PRKCE: variants seen among roughly 807,000 people sequenced by gnomAD.
PRKCE encodes protein kinase C epsilon.
Under a neutral mutation model 85.4 loss-of-function variants are expected in PRKCE, and 16 were observed. That is an observed-to-expected ratio of 0.19 (90% CI 0.13 to 0.28). PRKCE has a LOEUF of 0.28. Ranked by LOEUF, PRKCE falls within the 10% of genes least tolerant of loss-of-function variation. The probability of loss-of-function intolerance (pLI) is 1.00; values close to 1 mark genes in which losing one functional copy is unlikely to be tolerated. For synonymous variants in PRKCE, 388 were observed against 371.5 expected (o/e 1.04, Z -0.51); for missense variants, 573 against 975.2 (o/e 0.59, Z 5.49).
intron 10 of PRKCE, among the ~76,000 whole-genome samples, chr2:46,061,557 A>G (rs1009321747): frequency 2.0e-5 from 3 of 152,166 alleles, no homozygotes; most frequent in African/African-American, 7.2e-5. Flanking sequence ...TATTTTAGTA[A>G]TAGAATCCTT....
rs188039382 is a variant in PRKCE, at chr2:46,083,083, C to T, written c.1438-3125C>T. Among the ~76,000 whole-genome samples, 21 of 152,268 alleles carry T rather than the reference C, an allele frequency of 1.4e-4. No homozygotes were observed. The East Asian group carries it at 4.1e-3, about 29-fold the overall frequency. On this transcript the variant is annotated intron_variant, in intron 10 of 14. Transcript: ENST00000306156. ...TTTCATGCCTCAGCCTCCTGAGTAGCTGGGATTACAGGCATGCGCCACCAT... is the reference window on the plus strand; with the variant it reads ...TTTCATGCCTCAGCCTCCTGAGTAGTTGGGATTACAGGCATGCGCCACCAT...
At chr2:45,952,353 C>A (rs183883912) in intron 2 of PRKCE, among the ~76,000 whole-genome samples, 364 of 152,364 alleles carry the variant, frequency 2.4e-3, no homozygotes, top group Non-Finnish European at 3.5e-3. Context: ...TAAGTCATCA[C>A]TATGCTGGGC....
chr2:46,112,463 C>T (rs946026792), intron 11 of PRKCE, among the ~76,000 whole-genome samples: 1 of 150,816 alleles, frequency 6.6e-6, no homozygotes, highest in African/African-American at 2.4e-5. Context: ...TTAATATCTA[C>T]TCTCTTTATC....
chr2:45,806,822 G>T (rs966266824), intron 1 of PRKCE, among the ~76,000 whole-genome samples: 2 of 152,180 alleles, frequency 1.3e-5, no homozygotes, highest in Non-Finnish European at 2.9e-5. Context: ...GTACGTCAGG[G>T]ACTAAGGAGG....
intron 1 of PRKCE, among the ~76,000 whole-genome samples, chr2:45,787,499 A>G (rs1686701532): frequency 6.6e-6 from 1 of 152,138 alleles, no homozygotes; most frequent in South Asian, 2.1e-4. Flanking sequence ...GTTCAGTTGT[A>G]GGCAATGGAG....
At chr2:45,659,833 C>T (rs1292570200) in intron 1 of PRKCE, among the ~76,000 whole-genome samples, 1 of 147,470 alleles carries the variant, frequency 6.8e-6, no homozygotes, top group Non-Finnish European at 1.5e-5. Context: ...TGCGCCTTTC[C>T]TGCCTTTTTT....
intron 10 of PRKCE, among the ~76,000 whole-genome samples, chr2:46,023,144 G>A (rs935671098): frequency 6.8e-6 from 1 of 147,940 alleles, no homozygotes; most frequent in Non-Finnish European, 1.5e-5. Flanking sequence ...GCTGACTTGA[G>A]AGCTTTGTCA....
intron 1 of PRKCE, among the ~76,000 whole-genome samples, chr2:45,711,722 G>GA (rs1679654620): frequency 6.6e-6 from 1 of 152,114 alleles, no homozygotes; most frequent in Non-Finnish European, 1.5e-5. Context: ...CTGCCTCTCT[G>GA]GTTCAAGCAA....
chr2:45,724,278 T>G (rs1182454595), intron 1 of PRKCE, among the ~76,000 whole-genome samples: 1 of 152,226 alleles, frequency 6.6e-6, no homozygotes, highest in Admixed American at 6.5e-5. Context: ...CTATTATAAC[T>G]GTTTTGGAGT....
chr2:46,098,909 G>C (rs888462385), intron 11 of PRKCE, among the ~76,000 whole-genome samples: 3 of 152,258 alleles, frequency 2.0e-5, no homozygotes, highest in Admixed American at 6.5e-5. Context: ...TTTGTTTCAA[G>C]ATGACTCAGG....
At chr2:46,092,445 AAG>A (rs1279056372) in intron 11 of PRKCE, among the ~76,000 whole-genome samples, 1 of 152,158 alleles carries the variant, frequency 6.6e-6, no homozygotes, top group Non-Finnish European at 1.5e-5. Context: ...GAGGGGAGAC[AAG>A]GAGAAAGGAG....
At position 46,004,685 on chromosome 2, in the gene PRKCE, A is replaced by T. The variant is rs764282153; in HGVS notation, c.1063+47A>T. 1 of 1,476,600 alleles carries T rather than the reference A, an allele frequency of 6.8e-7. No homozygotes were observed. The highest frequency in any genetic ancestry group is 1.4e-5 in the African/African-American group (1 of 72,008). 91.5% of individuals were successfully genotyped at this position (1,476,600 alleles called of 1,614,324 possible). ...CCTGACCTCTGAGTTCTGCCATTGG[A>T]TGGACCAAGGAGCTCTGAGGCCTCT... On this transcript the variant is annotated intron_variant, in intron 8 of 14. Coordinates refer to ENST00000306156, the MANE Select transcript of PRKCE (RefSeq NM_005400.3). This position sits in a 1 kb window ranked among gnomAD's most constrained non-coding sequence, Gnocchi z 4.1.
intron 5 of PRKCE, among the ~76,000 whole-genome samples, chr2:45,983,495 A>G (rs1040100963): frequency 6.6e-6 from 1 of 152,180 alleles, no homozygotes; most frequent in African/African-American, 2.4e-5. Context: ...GTGGAGGGGC[A>G]GAGATGACTC....
intron 1 of PRKCE, among the ~76,000 whole-genome samples, chr2:45,700,877 C>G (rs561403021): frequency 6.6e-6 from 1 of 152,140 alleles, no homozygotes; most frequent in Non-Finnish European, 1.5e-5. Flanking sequence ...AGGACAGACA[C>G]AGAGATAGGA....
intron 1 of PRKCE, among the ~76,000 whole-genome samples, chr2:45,744,417 CTTTCTTT>C (rs1558622987): frequency 9.5e-5 from 1 of 10,516 alleles, no homozygotes; most frequent in Non-Finnish European, 2.6e-4. Context: ...CTTTTCTTTT[CTTTCTTT>C]CTTTCTTTCT....
intron 1 of PRKCE, among the ~76,000 whole-genome samples, chr2:45,816,419 A>G (rs900799219): frequency 6.6e-6 from 1 of 152,130 alleles, no homozygotes; most frequent in Non-Finnish European, 1.5e-5. Flanking sequence ...CCTGGGGATG[A>G]GACAGCATGG....
At chr2:46,157,262 G>T (rs1461422444) in intron 13 of PRKCE, among the ~76,000 whole-genome samples, 4 of 152,138 alleles carry the variant, frequency 2.6e-5, no homozygotes, top group African/African-American at 7.2e-5. Context: ...AGAACACCAT[G>T]CCCAGCAGAG....
intron 1 of PRKCE, among the ~76,000 whole-genome samples, chr2:45,831,819 A>G (rs942453444): frequency 6.6e-6 from 1 of 152,222 alleles, no homozygotes; most frequent in African/African-American, 2.4e-5. Flanking sequence ...GCAGACATGT[A>G]GCTTTTGGTT....
chr2:46,143,702 G>A (rs1198029831), intron 11 of PRKCE, among the ~76,000 whole-genome samples: 1 of 152,188 alleles, frequency 6.6e-6, no homozygotes, highest in African/African-American at 2.4e-5. Flanking sequence ...AGTGGCCAGG[G>A]TGGGGGTGGG....
Sources: allele counts gnomAD v4.1 joint callset (sites outside exome capture counted in the v4.1 genomes callset), GRCh38; gene constraint gnomAD v4.1.1; non-coding constraint Gnocchi (gnomAD v3.1); transcripts MANE v1.5; gene names NCBI Gene and HGNC (gene_info 2026-07-23, HGNC 2026-07-21).